CSMD1: variants seen among roughly 807,000 people sequenced by gnomAD.
CSMD1 encodes CUB and sushi domain-containing protein 1.
In CSMD1, 213 loss-of-function variants were observed where a neutral mutation model predicts 417.5. The ratio of observed to expected loss-of-function variants is 0.51; its 90% confidence interval spans 0.46 to 0.57. The LOEUF (loss-of-function observed/expected upper bound fraction) is 0.57. Ranked by LOEUF, CSMD1 falls within the 20% of genes least tolerant of loss-of-function variation. The pLI is 0.00. For synonymous variants in CSMD1, 2,862 were observed against 1,736.8 expected, an observed-to-expected ratio of 1.65 and a Z score of -16.11; for missense variants, 6,923 against 4,529.7, an observed-to-expected ratio of 1.53 and a Z score of -15.17.
chr8:3,456,325 C>T (rs1399039238), intron 12 of CSMD1, among the ~76,000 whole-genome samples: 1 of 152,288 alleles, frequency 6.6e-6, no homozygotes, highest in African/African-American at 2.4e-5. Flanking sequence ...GTCCGACACT[C>T]CCCAGTGACA....
At chr8:3,154,986 G>C (rs1819429706) in intron 39 of CSMD1, among the ~76,000 whole-genome samples, 1 of 152,096 alleles carries the variant, frequency 6.6e-6, no homozygotes, top group African/African-American at 2.4e-5. Flanking sequence ...TCATGTGTGA[G>C]TTTTTAAAAC....
intron 3 of CSMD1, among the ~76,000 whole-genome samples, chr8:4,259,871 T>A (rs1301561695): frequency 6.6e-6 from 1 of 152,234 alleles, no homozygotes; most frequent in East Asian, 1.9e-4. Context: ...TATTGCAGCT[T>A]AAGTTAATTT....
chr8:3,314,381 G>A (rs1038027034), intron 23 of CSMD1, among the ~76,000 whole-genome samples: 2 of 152,152 alleles, frequency 1.3e-5, no homozygotes, highest in African/African-American at 2.4e-5. Context: ...TAAGCCTGCT[G>A]AAGAGTAGTA....
intron 26 of CSMD1, among the ~76,000 whole-genome samples, chr8:3,282,448 T>G (rs1050100743): frequency 6.6e-6 from 1 of 152,214 alleles, no homozygotes; most frequent in Non-Finnish European, 1.5e-5. Flanking sequence ...TCTCATAACT[T>G]TCTCAACTTT....
chr8:4,225,827 G>A (rs1056598356), intron 3 of CSMD1, among the ~76,000 whole-genome samples: 1 of 151,948 alleles, frequency 6.6e-6, no homozygotes, highest in East Asian at 1.9e-4. Context: ...GATGTAAAGT[G>A]GCACAATATG....
At chr8:3,243,394 G>C (rs1042568046) in intron 26 of CSMD1, among the ~76,000 whole-genome samples, 1 of 151,924 alleles carries the variant, frequency 6.6e-6, no homozygotes, top group Non-Finnish European at 1.5e-5. Flanking sequence ...TCACCTGGGT[G>C]CAGGTGGGCT....
intron 1 of CSMD1, among the ~76,000 whole-genome samples, chr8:4,858,353 A>G (rs1403490079): frequency 6.6e-6 from 1 of 151,786 alleles, no homozygotes; most frequent in African/African-American, 2.4e-5. Flanking sequence ...GAAAACGGGC[A>G]CAAGACAGGG....
chr8:3,629,051 G>A (rs993225126), intron 7 of CSMD1, among the ~76,000 whole-genome samples: 3 of 152,084 alleles, frequency 2.0e-5, no homozygotes, highest in Non-Finnish European at 4.4e-5. Flanking sequence ...CAAGCCTTGG[G>A]GAACAGACAG....
chr8:3,237,257 G>C (rs1799207793), intron 26 of CSMD1, among the ~76,000 whole-genome samples: 1 of 133,170 alleles, frequency 7.5e-6, no homozygotes, highest in South Asian at 2.3e-4. Flanking sequence ...CAAAAGGTCA[G>C]CAGTTCGAGA....
chr8:4,021,735 C>T (rs889154898), intron 4 of CSMD1, among the ~76,000 whole-genome samples: 1 of 152,080 alleles, frequency 6.6e-6, no homozygotes, highest in Non-Finnish European at 1.5e-5. Context: ...ATCCCTTTAC[C>T]TATCCCCGTC....
Position 3,883,340 on chromosome 8 carries a change from A to G in CSMD1, c.818+114563T>C, listed in dbSNP as rs570159145. Among the ~76,000 whole-genome samples, 7 of 152,264 alleles carry G rather than the reference A, an allele frequency of 4.6e-5. No individual in the cohort carries two copies. In the East Asian group the frequency reaches 7.7e-4, roughly 17 times the overall value. ...TAATACACACAATGTCCTGGACACT[A>G]AAAAAGTCAATTAACATGAAGTTTT... On this transcript the variant is annotated intron_variant, in intron 5 of 69. Transcript: ENST00000635120.
intron 6 of CSMD1, among the ~76,000 whole-genome samples, chr8:3,748,044 G>T (rs1355233987): frequency 6.6e-6 from 1 of 152,066 alleles, no homozygotes; most frequent in Non-Finnish European, 1.5e-5. Context: ...CAGGTAGAAG[G>T]GGTACTGGCT....
chr8:3,738,931 G>C (rs1210256570), intron 6 of CSMD1, among the ~76,000 whole-genome samples: 3 of 152,032 alleles, frequency 2.0e-5, no homozygotes, highest in East Asian at 3.9e-4. Context: ...CTCTGTCCTT[G>C]CTGAATGCGC....
At chr8:4,156,321 C>T (rs749810225) in intron 3 of CSMD1, among the ~76,000 whole-genome samples, 12 of 152,072 alleles carry the variant, frequency 7.9e-5, no homozygotes, top group African/African-American at 1.2e-4. Context: ...AGGCTCTGAA[C>T]GGCCGTGCAA....
chr8:3,819,344 G>C (rs914871918), intron 5 of CSMD1, among the ~76,000 whole-genome samples: 32 of 152,168 alleles, frequency 2.1e-4, no homozygotes, highest in Non-Finnish European at 4.0e-4. Flanking sequence ...GGAGATTCAT[G>C]TCATTTCATT....
chr8:4,594,168 T>C (rs1199345134), intron 2 of CSMD1, among the ~76,000 whole-genome samples: 1 of 151,516 alleles, frequency 6.6e-6, no homozygotes, highest in African/African-American at 2.4e-5. Context: ...AATTACCTCA[T>C]TTTAACTTGA....
chr8:4,945,698 G>C (rs60871582), intron 1 of CSMD1, among the ~76,000 whole-genome samples: 4,050 of 152,154 alleles, frequency 0.027, 164 homozygotes, highest in East Asian at 0.15. Context: ...CATTAACAAA[G>C]ACAAAGAGAA....
intron 1 of CSMD1, among the ~76,000 whole-genome samples, chr8:4,890,054 G>A (rs1483148265): frequency 6.6e-6 from 1 of 152,078 alleles, no homozygotes; most frequent in Non-Finnish European, 1.5e-5. Context: ...AGGTAAAGGT[G>A]CTAAAACTAT....
chr8:3,748,466 C>A (rs752552349), intron 6 of CSMD1, among the ~76,000 whole-genome samples: 28 of 152,126 alleles, frequency 1.8e-4, no homozygotes, highest in Non-Finnish European at 3.7e-4. Context: ...GTCCGTGGAA[C>A]CTTGAGGGGA....
Sources: allele counts gnomAD v4.1 joint callset (sites outside exome capture counted in the v4.1 genomes callset), GRCh38; gene constraint gnomAD v4.1.1; transcripts MANE v1.5; gene names NCBI Gene and HGNC (gene_info 2026-07-23, HGNC 2026-07-21).